Variants in FAM180A observed in about 807,000 individuals in gnomAD.
FAM180A encodes protein FAM180A.
Under a neutral mutation model 15.3 loss-of-function variants are expected in FAM180A, and 14 were observed. The observed-to-expected ratio is 0.92, with a 90% CI of 0.61 to 1.43. The LOEUF is 1.43. Among genes scored for constraint, FAM180A ranks in the 40% most tolerant of loss-of-function variants. FAM180A has a pLI of 0.00. For synonymous variants in FAM180A, 90 were observed against 96.8 expected, an observed-to-expected ratio of 0.93 and a Z score of 0.41; for missense variants, 200 against 220.8, an observed-to-expected ratio of 0.91 and a Z score of 0.60.
chr7:135,739,751 C>T (rs1796920136), intron 1 of FAM180A, among the ~76,000 whole-genome samples: 1 of 151,736 alleles, frequency 6.6e-6, no homozygotes, highest in African/African-American at 2.4e-5. Flanking sequence ...TAGGAATCTC[C>T]CATGTCCCAG....
At chr7:135,731,051 C>CTT (rs1796773276) in intron 3 of FAM180A, among the ~76,000 whole-genome samples, 1 of 151,900 alleles carries the variant, frequency 6.6e-6, no homozygotes, top group East Asian at 1.9e-4. Context: ...TCCTGGGAAC[C>CTT]ATCTTCCCAT....
Position 135,736,379 on chromosome 7 carries a change from C to G in FAM180A, c.177+720G>C, listed in dbSNP as rs1299000620. On this transcript the variant is annotated intron_variant, in intron 2 of 3. Transcript: ENST00000338588. The stretch of plus-strand genomic sequence containing the variant: ...CCTAGTGCATGGAGTCAGAGGATGT[C>G]AAAGCTGGAGGGGAATTTTGGACAG... 2.0e-5 allele frequency among the ~76,000 whole-genome samples: 3 copies of G among 152,200 alleles called. No individual in the cohort carries two copies. The East Asian group carries it at 5.8e-4, about 29-fold the overall frequency.
intron 1 of FAM180A, among the ~76,000 whole-genome samples, chr7:135,745,491 CTG>C: frequency 6.6e-6 from 1 of 150,732 alleles, no homozygotes; most frequent in East Asian, 1.9e-4. Context: ...GTGTGTGTTT[CTG>C]TGTGTGTGTA....
Position 135,733,924 on chromosome 7 carries a change from C to T in FAM180A, c.*51G>A, listed in dbSNP as rs1299495737. 1.1e-5 allele frequency: 17 copies of T among 1,510,310 alleles called. 1 individual carries two copies. The highest frequency in any genetic ancestry group is 1.5e-5 in the Non-Finnish European group (17 of 1,130,844). The allele number at this position is 1,510,310 out of a possible 1,614,324, so 93.6% of individuals were successfully genotyped here. ...AAATGGAGTAGAGAATGAAGACTTT[C>T]TGGATTACTGTGCTGGTCCCTGCTC... On this transcript the variant is annotated 3_prime_UTR_variant, in exon 3 of 4. Coordinates refer to ENST00000338588, the MANE Select transcript of FAM180A (RefSeq NM_205855.4).
intron 2 of FAM180A, among the ~76,000 whole-genome samples, chr7:135,736,072 GA>G: frequency 6.6e-6 from 1 of 151,014 alleles, no homozygotes; most frequent in East Asian, 1.9e-4. Context: ...GTCCAGGCTG[GA>G]GTGCAGTGGC....
chr7:135,745,559 G>C (rs2129496277), intron 1 of FAM180A, among the ~76,000 whole-genome samples: 1 of 152,056 alleles, frequency 6.6e-6, no homozygotes, highest in East Asian at 1.9e-4. Flanking sequence ...GAGTCATTTG[G>C]TCTTCATCAA....
In FAM180A at chr7:135,737,586, C is replaced by CA. The variant is rs35378393; in HGVS notation, c.77-388dup. Among the ~76,000 whole-genome samples, 226 of 82,310 alleles carry CA rather than the reference C, an allele frequency of 2.7e-3. 2 individuals are homozygous for CA. Among genetic ancestry groups the CA allele is most frequent in the Non-Finnish European group, 3.6e-3 (152 of 42,766 alleles). 54.0% of individuals were successfully genotyped at this position (82,310 alleles called of 152,430 possible). Reference sequence around the variant, plus strand: ...TGGGCAACAGAGCGAGACTCCATGTCAAAAAAAAAAAAAAAAAAAAAAGAA... The same window carrying CA: ...TGGGCAACAGAGCGAGACTCCATGTCAAAAAAAAAAAAAAAAAAAAAAAGAA... On this transcript the variant is annotated intron_variant, in intron 1 of 3. Transcript: ENST00000338588.
Position 135,733,728 on chromosome 7 carries a change from C to A in FAM180A, c.*247G>T. The A allele has an allele frequency of 7.6e-7, 1 of 1,321,134 alleles. No individual in the cohort carries two copies. The highest frequency in any genetic ancestry group is 2.2e-5 in the South Asian group (1 of 44,454). 81.8% of individuals were successfully genotyped at this position (1,321,134 alleles called of 1,614,324 possible). ...GCCTGCCATAGGCAAACCATTCTGC[C>A]CATGGAGGCGTCTTGAATGACCATT... is the stretch of plus-strand genomic sequence containing the variant. On this transcript the variant is annotated 3_prime_UTR_variant, in exon 3 of 4. Transcript: ENST00000338588.
At chr7:135,739,483 G>A (rs1796916036) in intron 1 of FAM180A, among the ~76,000 whole-genome samples, 1 of 151,264 alleles carries the variant, frequency 6.6e-6, no homozygotes, top group African/African-American at 2.4e-5. Flanking sequence ...GTGGTGGCAG[G>A]CGCCCGTAGT....
chr7:135,730,613 C>G (rs767553734), intron 3 of FAM180A, among the ~76,000 whole-genome samples: 3 of 152,158 alleles, frequency 2.0e-5, no homozygotes, highest in Non-Finnish European at 2.9e-5. Context: ...AAGTCATGGG[C>G]AAGTTTCCAC....
chr7:135,739,353 G>C (rs1796914103), intron 1 of FAM180A, among the ~76,000 whole-genome samples: 1 of 145,042 alleles, frequency 6.9e-6, no homozygotes, highest in South Asian at 2.2e-4. Flanking sequence ...GCTCACACCT[G>C]TAATCCCAGC....
chr7:135,733,529 T>C (rs930667847), intron 3 of FAM180A, 117 bp downstream of exon 3: 7 of 434,358 alleles, frequency 1.6e-5, no homozygotes. Context: ...GTGATTTTAG[T>C]AGAGATGGGT....
chr7:135,745,707 C>G (rs1287860571), intron 1 of FAM180A, among the ~76,000 whole-genome samples: 1 of 150,768 alleles, frequency 6.6e-6, no homozygotes, highest in Non-Finnish European at 1.5e-5. Context: ...CGCATATTGC[C>G]TGTGGGTTTA....
In FAM180A at chr7:135,729,752, A is replaced by G. The variant is rs1796754096; in HGVS notation, c.*859T>C. Reference sequence around the variant, plus strand: ...AACACTTTTCCAGAATACAATGCTCAAGAAATGTAAGCCAGATCCCGCTTG... The same window carrying G: ...AACACTTTTCCAGAATACAATGCTCGAGAAATGTAAGCCAGATCCCGCTTG... On this transcript the variant is annotated 3_prime_UTR_variant, in exon 4 of 4. Coordinates refer to ENST00000338588, the MANE Select transcript of FAM180A (RefSeq NM_205855.4). 1.0e-6 allele frequency: 1 copy of G among 985,194 alleles called. No individual in the cohort carries two copies. Among genetic ancestry groups the G allele is most frequent in the Non-Finnish European group, 1.2e-6 (1 of 829,880 alleles). The allele number at this position is 985,194 out of a possible 1,614,324, so 61.0% of individuals were successfully genotyped here.
chr7:135,736,707 A>G (rs1374843027), intron 2 of FAM180A, among the ~76,000 whole-genome samples: 1 of 152,232 alleles, frequency 6.6e-6, no homozygotes, highest in Non-Finnish European at 1.5e-5. Context: ...CCATCTTAGC[A>G]TGCAGGGCCT....
chr7:135,748,380 G>A (rs1477629416), intron 1 of FAM180A, 125 bp downstream of exon 1: 2 of 735,720 alleles, frequency 2.7e-6, no homozygotes, highest in African/African-American at 3.5e-5. Flanking sequence ...GAAGCATCAA[G>A]GAATTGACAG....
chr7:135,739,874 G>A (rs1416541238), intron 1 of FAM180A, among the ~76,000 whole-genome samples: 1 of 152,114 alleles, frequency 6.6e-6, no homozygotes. Flanking sequence ...TTTATATTCT[G>A]TACCCGTGGC....
intron 1 of FAM180A, among the ~76,000 whole-genome samples, chr7:135,743,795 T>A (rs1033770058): frequency 8.5e-5 from 13 of 152,216 alleles, no homozygotes; most frequent in Non-Finnish European, 1.6e-4. Context: ...CAGTGCCTAG[T>A]ATCATGCCCC....
chr7:135,748,032 C>T (rs1211836733), intron 1 of FAM180A, among the ~76,000 whole-genome samples: 1 of 152,178 alleles, frequency 6.6e-6, no homozygotes, highest in Non-Finnish European at 1.5e-5. Context: ...CCTCTGGCTG[C>T]AGAGATGCAT....
Sources: gnomAD v4.1 joint callset for allele counts (sites outside exome capture counted in the v4.1 genomes callset) on GRCh38, gnomAD v4.1.1 for gene constraint, MANE v1.5 for transcripts, NCBI Gene and HGNC (gene_info 2026-07-23, HGNC 2026-07-21) for gene names.